ATP2B1: variants seen among roughly 807,000 people sequenced by gnomAD.
The protein encoded by ATP2B1 is ATPase plasma membrane Ca2+ transporting 1.
ATP2B1 carries 14 observed loss-of-function variants against 124.2 expected under a neutral mutation model. The ratio of observed to expected loss-of-function variants is 0.11; its 90% CI spans 0.07 to 0.18. ATP2B1 has a LOEUF of 0.18. Among genes scored for constraint, ATP2B1 ranks in the 10% least tolerant of loss-of-function variants. The pLI, the probability that ATP2B1 is intolerant of heterozygous loss-of-function variation, is 1.00. For missense variants in ATP2B1, 763 were observed against 1,466.1 expected (o/e 0.52, Z 7.83); for synonymous variants, 449 against 492.4 (o/e 0.91, Z 1.17).
chr12:89,637,755 T>C (rs1015542737), intron 3 of ATP2B1, among the ~76,000 whole-genome samples: 26 of 152,140 alleles, frequency 1.7e-4, no homozygotes, highest in African/African-American at 3.1e-4. Flanking sequence ...ACAAATTATA[T>C]AGTTATAAAT....
In ATP2B1 at chr12:89,705,026, A is replaced by G. The variant is rs571736572; in HGVS notation, c.-222+3570T>C. On this transcript the variant is annotated intron_variant, in intron 1 of 20. Transcript: ENST00000428670. ...AGATATAAATGAAATGTGATGGACCACGAGAGTTGGTAATTGTCAAAACTG... is the reference window on the plus strand; with the variant it reads ...AGATATAAATGAAATGTGATGGACCGCGAGAGTTGGTAATTGTCAAAACTG... 1.4e-3 allele frequency among the ~76,000 whole-genome samples: 206 copies of G among 152,298 alleles called. 5 individuals carry two copies. The South Asian group carries it at 0.027, about 20-fold the overall frequency.
At chr12:89,699,548 A>C (rs1418625958) in intron 1 of ATP2B1, among the ~76,000 whole-genome samples, 1 of 152,164 alleles carries the variant, frequency 6.6e-6, no homozygotes, top group Non-Finnish European at 1.5e-5. Flanking sequence ...TAAAAGCCAA[A>C]TTTTCAAGAG....
At chr12:89,649,281 TA>T (rs1884924527) in intron 2 of ATP2B1, among the ~76,000 whole-genome samples, 1 of 152,198 alleles carries the variant, frequency 6.6e-6, no homozygotes, top group African/African-American at 2.4e-5. Context: ...AACCTAAGAG[TA>T]GCCACAGGGG....
At chr12:89,684,232 A>G (rs1242088366) in intron 1 of ATP2B1, among the ~76,000 whole-genome samples, 5 of 152,218 alleles carry the variant, frequency 3.3e-5, no homozygotes, top group Admixed American at 3.3e-4. Context: ...AAAGGAAAGG[A>G]CTGACTGTAC....
rs181139746 is a variant in ATP2B1 at position 89,638,497 on chromosome 12, T to C, written c.407-3246A>G. On this transcript the variant is annotated intron_variant, in intron 3 of 20. Coordinates refer to ENST00000428670, the MANE Select transcript of ATP2B1 (RefSeq NM_001366521.1). Reference sequence around the variant, plus strand: ...ATGTGTAACATAATTTTCCAAAGATTACACTGCATGTGATAATGTGACATA... The same window carrying C: ...ATGTGTAACATAATTTTCCAAAGATCACACTGCATGTGATAATGTGACATA... 2.6e-3 allele frequency among the ~76,000 whole-genome samples: 399 copies of C among 152,292 alleles called. 4 individuals are homozygous for C. Among genetic ancestry groups the C allele is most frequent in the Middle Eastern group, 6.8e-3 (2 of 294 alleles).
chr12:89,703,020 A>G (rs1340540165), intron 1 of ATP2B1, among the ~76,000 whole-genome samples: 1 of 152,228 alleles, frequency 6.6e-6, no homozygotes, highest in Non-Finnish European at 1.5e-5. Context: ...GTAAATTACA[A>G]GCTATGATTC....
intron 2 of ATP2B1, among the ~76,000 whole-genome samples, chr12:89,646,960 A>G (rs1176765474): frequency 6.6e-6 from 1 of 152,248 alleles, no homozygotes; most frequent in Non-Finnish European, 1.5e-5. Context: ...CGAAGGGGCC[A>G]GAGGCCATGC....
intron 2 of ATP2B1, among the ~76,000 whole-genome samples, chr12:89,653,728 G>A (rs1885596713): frequency 6.6e-6 from 1 of 152,170 alleles, no homozygotes; most frequent in Non-Finnish European, 1.5e-5. Context: ...AAAATTTTCA[G>A]TTAACTTAAC....
chr12:89,635,459 G>C (rs183733269), intron 3 of ATP2B1, among the ~76,000 whole-genome samples: 1 of 152,088 alleles, frequency 6.6e-6, no homozygotes, highest in South Asian at 2.1e-4. Flanking sequence ...TCAGTAGAGG[G>C]AGGCAGTCTA....
At chr12:89,688,331 G>A (rs927993969) in intron 1 of ATP2B1, among the ~76,000 whole-genome samples, 4 of 152,182 alleles carry the variant, frequency 2.6e-5, no homozygotes, top group South Asian at 2.1e-4. Context: ...CTGCACAAAT[G>A]TTTTAGGTTA....
chr12:89,605,523 T>C (rs1193713686), intron 15 of ATP2B1, among the ~76,000 whole-genome samples: 1 of 152,202 alleles, frequency 6.6e-6, no homozygotes, highest in Non-Finnish European at 1.5e-5. Context: ...CCTCACCAGA[T>C]GCTGGCACCC....
At chr12:89,681,107 A>G (rs1889297594) in intron 1 of ATP2B1, among the ~76,000 whole-genome samples, 1 of 152,206 alleles carries the variant, frequency 6.6e-6, no homozygotes, top group Non-Finnish European at 1.5e-5. Flanking sequence ...CAAGCATTTA[A>G]TATAGTTAAT....
chr12:89,698,140 T>C (rs554869547), intron 1 of ATP2B1, among the ~76,000 whole-genome samples: 87 of 152,140 alleles, frequency 5.7e-4, no homozygotes, highest in African/African-American at 2.1e-3. Context: ...ACCATTCTTC[T>C]TCCCATCCCC....
At chr12:89,691,992 T>G (rs1890607126) in intron 1 of ATP2B1, among the ~76,000 whole-genome samples, 1 of 152,102 alleles carries the variant, frequency 6.6e-6, no homozygotes, top group Admixed American at 6.6e-5. Context: ...TGGTGTTTCC[T>G]TTTCATGCAT....
intron 3 of ATP2B1, among the ~76,000 whole-genome samples, chr12:89,636,262 C>T (rs1480800311): frequency 6.6e-6 from 1 of 151,770 alleles, no homozygotes; most frequent in Non-Finnish European, 1.5e-5. Context: ...ACTCTATAGT[C>T]AATAATGGTG....
At chr12:89,612,290 G>A (rs1258115569) in intron 12 of ATP2B1, 1 of 152,006 alleles carries the variant, frequency 6.6e-6, no homozygotes, top group Non-Finnish European at 1.5e-5. Flanking sequence ...TTGTGCCTGT[G>A]CTACTACAGT....
In ATP2B1 at chr12:89,626,523, A is replaced by T; in HGVS notation, c.1060T>A (p.Leu354Met). 1 of 1,613,276 alleles carries T rather than the reference A, an allele frequency of 6.2e-7. No individual in the cohort carries two copies. Among genetic ancestry groups the T allele is most frequent in the Non-Finnish European group, 8.5e-7 (1 of 1,179,784 alleles). Residue 354 changes from leucine to methionine, a missense_variant, in exon 8 of 21, where the codon TTG becomes ATG. Around this residue, in one of 7 missense-constraint regions of ATP2B1, gnomAD observed 392 missense variants for 776.6 expected, o/e 0.50. Transcript: ENST00000428670. ...GDEKDKKKAN[L>M]PKKEKSVLQG... ...AAAACAGATTTTTCCTTTTTTGGCAAATTTGCTTTCTTTTTATCTTTTTCA... is the reference window on the plus strand; with the variant it reads ...AAAACAGATTTTTCCTTTTTTGGCATATTTGCTTTCTTTTTATCTTTTTCA...
chr12:89,702,239 AT>A (rs925125441), intron 1 of ATP2B1, among the ~76,000 whole-genome samples: 6 of 152,196 alleles, frequency 3.9e-5, no homozygotes, highest in Admixed American at 3.9e-4. Flanking sequence ...CCCTATTAAT[AT>A]TTTTTGGAAC....
At chr12:89,695,694 A>T (rs980480618) in intron 1 of ATP2B1, among the ~76,000 whole-genome samples, 9 of 152,160 alleles carry the variant, frequency 5.9e-5, no homozygotes, top group Non-Finnish European at 5.9e-5. Flanking sequence ...TTACAAAAAC[A>T]TCTACTCACT....
Sources: gnomAD v4.1 joint callset for allele counts (sites outside exome capture counted in the v4.1 genomes callset) on GRCh38, gnomAD v4.1.1 for gene constraint, gnomAD v4.1.1 regional missense constraint, MANE v1.5 for transcripts, NCBI Gene and HGNC (gene_info 2026-07-23, HGNC 2026-07-21) for gene names.